The following ELAVL2 variants were observed in gnomAD, a reference collection of about 807,000 sequenced individuals.
The protein encoded by ELAVL2 is ELAV-like protein 2.
In ELAVL2, 4 loss-of-function variants were observed where a neutral mutation model predicts 34.6. The ratio of observed to expected loss-of-function variants is 0.12; its 90% CI spans 0.06 to 0.26. ELAVL2 has a LOEUF of 0.26. ELAVL2 is among the 10% of genes least tolerant of loss of function. The probability of loss-of-function intolerance (pLI) is 1.00; values close to 1 mark genes in which losing one functional copy is unlikely to be tolerated. For synonymous variants in ELAVL2, 193 were observed against 154.8 expected (o/e 1.25, Z -1.83); for missense variants, 432 against 442.8 (o/e 0.98, Z 0.22).
chr9:23,744,739 A>AC (rs2050094067), intron 2 of ELAVL2, among the ~76,000 whole-genome samples: 1 of 151,258 alleles, frequency 6.6e-6, no homozygotes, highest in Non-Finnish European at 1.5e-5. Context: ...CTTCTCGCGC[A>AC]CCCCCCACGA....
intron 1 of ELAVL2, among the ~76,000 whole-genome samples, chr9:23,798,443 G>A (rs368024659): frequency 6.6e-6 from 1 of 152,040 alleles, no homozygotes; most frequent in Non-Finnish European, 1.5e-5. Flanking sequence ...AAATGGCGGG[G>A]GTGGGGAGAT....
chr9:23,800,621 A>G (rs573795581), intron 1 of ELAVL2, among the ~76,000 whole-genome samples: 1 of 152,314 alleles, frequency 6.6e-6, no homozygotes, highest in Non-Finnish European at 1.5e-5. Context: ...TTGGAAAACT[A>G]CTTCAGATTA....
intron 5 of ELAVL2, 35 bp downstream of exon 5, chr9:23,701,341 AGTT>A: frequency 6.2e-7 from 1 of 1,601,422 alleles, no homozygotes; most frequent in Non-Finnish European, 8.6e-7. Flanking sequence ...ATTCTCTTTC[AGTT>A]TAGTAGCTGG....
At chr9:23,804,196 C>T (rs1313674462) in intron 1 of ELAVL2, among the ~76,000 whole-genome samples, 78 of 148,668 alleles carry the variant, frequency 5.2e-4, no homozygotes, top group African/African-American at 1.0e-3. Flanking sequence ...TTTTTTGAGA[C>T]GGCGTCTCGC....
chr9:23,832,893 C>T, the ELAVL2 span, among the ~76,000 whole-genome samples: 2 of 151,954 alleles, frequency 1.3e-5, no homozygotes, highest in Non-Finnish European at 2.9e-5. Context: ...TAAATTTTAG[C>T]AACTATTAAA....
At chr9:23,846,144 T>C in the ELAVL2 span, among the ~76,000 whole-genome samples, 1 of 151,908 alleles carries the variant, frequency 6.6e-6, no homozygotes. Flanking sequence ...AAGGATGTTT[T>C]CTCTGCATTT....
In ELAVL2 at chr9:23,753,893, T is replaced by G. The variant is rs142324584; in HGVS notation, c.229+8113A>C. Among the ~76,000 whole-genome samples, 310 of 152,310 alleles carry G rather than the reference T, an allele frequency of 2.0e-3. 1 individual carries two copies. The highest frequency in any genetic ancestry group is 0.01 in the Middle Eastern group (3 of 294). The stretch of plus-strand genomic sequence containing the variant: ...ATTTTATTTTCTATGAATTTGAATA[T>G]GTTTACAAAGTTTGTGTTTTCTATC... On this transcript the variant is annotated intron_variant, in intron 2 of 6. Coordinates refer to ENST00000397312, the MANE Select transcript of ELAVL2 (RefSeq NM_004432.5).
chr9:23,739,646 A>G (rs921773550), intron 2 of ELAVL2, among the ~76,000 whole-genome samples: 5 of 152,060 alleles, frequency 3.3e-5, no homozygotes, highest in Admixed American at 6.6e-5. Context: ...TTTGGGATGA[A>G]GGCAAAGGAA....
At chr9:23,775,517 G>A (rs534912573) in intron 1 of ELAVL2, among the ~76,000 whole-genome samples, 2 of 152,302 alleles carry the variant, frequency 1.3e-5, no homozygotes, top group African/African-American at 4.8e-5. Flanking sequence ...CTTCCTAGCT[G>A]ATCTCTCTAT....
chr9:23,833,123 G>A, the ELAVL2 span, among the ~76,000 whole-genome samples: 3 of 151,766 alleles, frequency 2.0e-5, no homozygotes, highest in South Asian at 4.2e-4. Flanking sequence ...ATCCTTTAAT[G>A]AGAGAGAAAT....
intron 2 of ELAVL2, among the ~76,000 whole-genome samples, chr9:23,734,629 T>A (rs1037032955): frequency 3.9e-5 from 6 of 152,216 alleles, no homozygotes; most frequent in Non-Finnish European, 8.8e-5. Flanking sequence ...ACCGCAAAAG[T>A]TGTTTCTTGT....
At chr9:23,758,323 C>A (rs1469330455) in intron 2 of ELAVL2, among the ~76,000 whole-genome samples, 2 of 151,980 alleles carry the variant, frequency 1.3e-5, no homozygotes, top group East Asian at 1.9e-4. Flanking sequence ...CCACTCAGAA[C>A]CCAGATTTAG....
the ELAVL2 span, among the ~76,000 whole-genome samples, chr9:23,832,855 A>C: frequency 6.6e-6 from 1 of 152,152 alleles, no homozygotes; most frequent in African/African-American, 2.4e-5. Context: ...TTGTTGGAAA[A>C]AGTGAGAAAA....
At chr9:23,734,967 T>C (rs2047465489) in intron 2 of ELAVL2, among the ~76,000 whole-genome samples, 1 of 151,900 alleles carries the variant, frequency 6.6e-6, no homozygotes, top group Non-Finnish European at 1.5e-5. Context: ...AGAATGTGCA[T>C]ACTGATAATC....
In ELAVL2 at chr9:23,816,978, C is replaced by T. The variant is rs760814460; in HGVS notation, c.-16+8828G>A. ...TGGCCAACGGAAAAATATACAGGTACATCAAACTGTAGATAACATACCTGG... is the reference window on the plus strand; with the variant it reads ...TGGCCAACGGAAAAATATACAGGTATATCAAACTGTAGATAACATACCTGG... On this transcript the variant is annotated intron_variant, in intron 1 of 6. Coordinates refer to ENST00000397312, the MANE Select transcript of ELAVL2 (RefSeq NM_004432.5). 5.9e-5 allele frequency among the ~76,000 whole-genome samples: 9 copies of T among 151,842 alleles called. No individual in the cohort carries two copies. In the South Asian group the frequency reaches 1.7e-3, roughly 28 times the overall value.
rs188012617 is a variant in ELAVL2, at chr9:23,744,140, T to C, written c.230-13015A>G. Among the ~76,000 whole-genome samples the C allele has an allele frequency of 2.5e-3, 377 of 152,228 alleles. 2 individuals are homozygous for C. Among genetic ancestry groups the C allele is most frequent in the African/African-American group, 8.7e-3 (362 of 41,552 alleles). Reference sequence around the variant, plus strand: ...GAATTTGAGATTGGGATCTCATCTGTGGGAAAAGAAACTGCACTAAAGGTA... The same window carrying C: ...GAATTTGAGATTGGGATCTCATCTGCGGGAAAAGAAACTGCACTAAAGGTA... On this transcript the variant is annotated intron_variant, in intron 2 of 6. Coordinates refer to ENST00000397312, the MANE Select transcript of ELAVL2 (RefSeq NM_004432.5).
chr9:23,837,147 T>C, the ELAVL2 span, among the ~76,000 whole-genome samples: 4 of 152,140 alleles, frequency 2.6e-5, no homozygotes, highest in Non-Finnish European at 5.9e-5. Context: ...GATAGGGCTC[T>C]CAGCATATAA....
chr9:23,830,621 C>CAT (rs2065469766), upstream of ELAVL2, among the ~76,000 whole-genome samples: 1 of 147,724 alleles, frequency 6.8e-6, no homozygotes, highest in African/African-American at 2.5e-5. Flanking sequence ...CACACACACA[C>CAT]ACACCTTTTT....
intron 1 of ELAVL2, among the ~76,000 whole-genome samples, chr9:23,820,002 C>G (rs1473676642): frequency 1.3e-5 from 2 of 152,132 alleles, no homozygotes; most frequent in Admixed American, 1.3e-4. Flanking sequence ...CGGGTCCACT[C>G]AGCAATACAG....
Sources: gnomAD v4.1 joint callset for allele counts (sites outside exome capture counted in the v4.1 genomes callset) on GRCh38, gnomAD v4.1.1 for gene constraint, MANE v1.5 for transcripts, NCBI Gene and HGNC (gene_info 2026-07-23, HGNC 2026-07-21) for gene names.